The following PXT1 variants were observed in gnomAD, a reference collection of about 807,000 sequenced individuals.
The protein encoded by PXT1 is peroxisomal testis enriched protein 1, also known as peroxisomal testis-specific protein 1.
In PXT1, 11 loss-of-function variants were observed where a neutral mutation model predicts 11.0. The observed-to-expected ratio is 1.00, with a 90% CI of 0.63 to 1.66. The LOEUF (loss-of-function observed/expected upper bound fraction) is 1.66, where lower values mean the gene tolerates loss of function less well. Ranked by LOEUF, PXT1 falls within the 40% of genes most tolerant of loss-of-function variation. The pLI is 0.00. For missense variants in PXT1, 141 were observed against 155.5 expected, an observed-to-expected ratio of 0.91 and a Z score of 0.49; for synonymous variants, 43 against 51.4, an observed-to-expected ratio of 0.84 and a Z score of 0.70.
intron 2 of PXT1, among the ~76,000 whole-genome samples, chr6:36,427,271 G>A (rs991979499): frequency 6.6e-6 from 1 of 152,146 alleles, no homozygotes; most frequent in African/African-American, 2.4e-5. Flanking sequence ...AAAGTGCTGG[G>A]ATTACAGGTG....
chr6:36,422,304 G>T (rs1363542313), intron 3 of PXT1, among the ~76,000 whole-genome samples: 1 of 152,090 alleles, frequency 6.6e-6, no homozygotes, highest in Non-Finnish European at 1.5e-5. Context: ...AATTGGAAGG[G>T]GAGAGGCTCC....
chr6:36,400,446 A>AG lies in PXT1; in HGVS notation c.300+7dup, dbSNP rs1431647145. ...GACAGGCCCTGGCTGGGGAAACTGA[A>AG]GCCTCACCTCTCGAACCATCCTATG... On this transcript the variant is annotated splice_region_variant and intron_variant, in intron 4 of 4. Coordinates refer to ENST00000454782, the MANE Select transcript of PXT1 (RefSeq NM_152990.4). 6.2e-7 allele frequency: 1 copy of AG among 1,612,826 alleles called. No homozygotes were observed. Among genetic ancestry groups the AG allele is most frequent in the Non-Finnish European group, 8.5e-7 (1 of 1,179,278 alleles).
chr6:36,403,972 CATT>C, intron 3 of PXT1, among the ~76,000 whole-genome samples: 1 of 152,276 alleles, frequency 6.6e-6, no homozygotes, highest in Middle Eastern at 3.4e-3. Flanking sequence ...ATTTAAGAGT[CATT>C]ATTCCTTCAT....
chr6:36,412,855 A>T (rs976493123), intron 3 of PXT1, among the ~76,000 whole-genome samples: 1 of 152,112 alleles, frequency 6.6e-6, no homozygotes, highest in Admixed American at 6.6e-5. Context: ...TTTCAGATTT[A>T]AAAAATATGA....
At chr6:36,430,145 T>G (rs1774672409) in intron 2 of PXT1, among the ~76,000 whole-genome samples, 1 of 151,746 alleles carries the variant, frequency 6.6e-6, no homozygotes, top group African/African-American at 2.4e-5. Flanking sequence ...AAGCAGAGGT[T>G]GCAGTGGGGT....
chr6:36,419,833 C>A (rs1774498877), intron 3 of PXT1, among the ~76,000 whole-genome samples: 1 of 152,154 alleles, frequency 6.6e-6, no homozygotes, highest in South Asian at 2.1e-4. Context: ...GGTTTAGAAC[C>A]AGGCGAAATA....
At chr6:36,430,396 A>G (rs1774676472) in intron 2 of PXT1, among the ~76,000 whole-genome samples, 1 of 152,184 alleles carries the variant, frequency 6.6e-6, no homozygotes, top group East Asian at 1.9e-4. Context: ...ATGTAATTAT[A>G]TTAAAGCTCT....
At chr6:36,422,439 C>A (rs1204828099) in intron 3 of PXT1, among the ~76,000 whole-genome samples, 2 of 152,142 alleles carry the variant, frequency 1.3e-5, no homozygotes, top group Non-Finnish European at 2.9e-5. Flanking sequence ...TAGGTCAAAT[C>A]CCCCATTATG....
chr6:36,439,831 C>T (rs1326031326), intron 1 of PXT1, among the ~76,000 whole-genome samples: 1 of 152,112 alleles, frequency 6.6e-6, no homozygotes, highest in African/African-American at 2.4e-5. Flanking sequence ...ACCCAGCCTC[C>T]GCCGAAACCC....
At chr6:36,405,299 C>A (rs1561926475) in intron 3 of PXT1, among the ~76,000 whole-genome samples, 1 of 151,304 alleles carries the variant, frequency 6.6e-6, no homozygotes, top group East Asian at 1.9e-4. Context: ...CATGTTATTA[C>A]AAAAGAGTTC....
At chr6:36,427,461 T>A (rs1774624741) in intron 2 of PXT1, among the ~76,000 whole-genome samples, 1 of 152,216 alleles carries the variant, frequency 6.6e-6, no homozygotes, top group Admixed American at 6.5e-5. Flanking sequence ...CACAATGAGC[T>A]GCTAAGATAA....
At chr6:36,413,035 A>G (rs1163437900) in intron 3 of PXT1, among the ~76,000 whole-genome samples, 1 of 152,194 alleles carries the variant, frequency 6.6e-6, no homozygotes, top group Non-Finnish European at 1.5e-5. Context: ...CATCTGATTA[A>G]TGGGAATTCC....
At chr6:36,412,443 C>T (rs943404467) in intron 3 of PXT1, among the ~76,000 whole-genome samples, 18 of 150,394 alleles carry the variant, frequency 1.2e-4, no homozygotes, top group African/African-American at 3.7e-4. Flanking sequence ...GGGCGGATCA[C>T]GAGGTCAAGA....
At chr6:36,425,756 T>G (rs1385372251) in intron 3 of PXT1, among the ~76,000 whole-genome samples, 158 bp downstream of exon 3, 1 of 149,786 alleles carries the variant, frequency 6.7e-6, no homozygotes, top group African/African-American at 2.5e-5. Flanking sequence ...CCACTGCACT[T>G]CAGCCTGGGT....
chr6:36,399,840 A>G (rs1183630755), intron 4 of PXT1, among the ~76,000 whole-genome samples: 2 of 152,168 alleles, frequency 1.3e-5, no homozygotes, highest in African/African-American at 4.8e-5. Flanking sequence ...AATAATCAGG[A>G]GATTCTAAGA....
intron 3 of PXT1, among the ~76,000 whole-genome samples, chr6:36,405,226 T>G (rs1003345218): frequency 3.3e-5 from 5 of 152,292 alleles, no homozygotes; most frequent in African/African-American, 9.6e-5. Flanking sequence ...AGAAAAAATC[T>G]TATAGAATAA....
At chr6:36,413,718 C>T (rs1017742365) in intron 3 of PXT1, among the ~76,000 whole-genome samples, 3 of 152,106 alleles carry the variant, frequency 2.0e-5, no homozygotes, top group Non-Finnish European at 4.4e-5. Context: ...GAGGCGGGGC[C>T]AGGCACAGTG....
chr6:36,407,578 CT>C (rs36048537), intron 3 of PXT1, among the ~76,000 whole-genome samples: 11,764 of 147,132 alleles, frequency 0.08, 619 homozygotes, highest in African/African-American at 0.16. Flanking sequence ...CATGGTTAAT[CT>C]TTTTTTTTTT....
intron 2 of PXT1, among the ~76,000 whole-genome samples, chr6:36,435,251 T>C (rs1233991317): frequency 6.6e-6 from 1 of 152,174 alleles, no homozygotes; most frequent in Non-Finnish European, 1.5e-5. Context: ...ACCCCATCTC[T>C]ACAAAAAATT....
Sources: allele counts gnomAD v4.1 joint callset (sites outside exome capture counted in the v4.1 genomes callset), GRCh38; gene constraint gnomAD v4.1.1; transcripts MANE v1.5; gene names NCBI Gene and HGNC (gene_info 2026-07-23, HGNC 2026-07-21).